The following GLI3 variants were observed in gnomAD, a reference collection of about 807,000 sequenced individuals.
The protein encoded by GLI3 is GLI family zinc finger 3, also known as transcription activator GLI3.
A neutral mutation model predicts 100.8 loss-of-function variants in GLI3; 20 were observed. That is an observed-to-expected ratio of 0.20 (90% CI 0.14 to 0.29). GLI3 has a LOEUF of 0.29. Among genes scored for constraint, GLI3 ranks in the 10% least tolerant of loss-of-function variants. The probability of loss-of-function intolerance (pLI) is 1.00; values close to 1 mark genes in which losing one functional copy is unlikely to be tolerated. For synonymous variants in GLI3, 938 were observed against 860.5 expected, an observed-to-expected ratio of 1.09 and a Z score of -1.58; for missense variants, 2,040 against 2,128.5, an observed-to-expected ratio of 0.96 and a Z score of 0.82.
chr7:42,014,853 A>T (rs1205630827), intron 10 of GLI3, among the ~76,000 whole-genome samples: 1 of 152,232 alleles, frequency 6.6e-6, no homozygotes, highest in African/African-American at 2.4e-5. Flanking sequence ...ACAGCAGATG[A>T]GTAAACAGGT....
At chr7:42,211,695 G>A (rs2128697474) in intron 2 of GLI3, among the ~76,000 whole-genome samples, 1 of 152,254 alleles carries the variant, frequency 6.6e-6, no homozygotes, top group South Asian at 2.1e-4. Context: ...TGAAAGGGGA[G>A]TCTTCGACAT....
chr7:42,196,383 G>A (rs756747086), intron 2 of GLI3, among the ~76,000 whole-genome samples: 10 of 152,156 alleles, frequency 6.6e-5, no homozygotes, highest in Non-Finnish European at 1.2e-4. Flanking sequence ...GGAGGGGCCA[G>A]CTTTACAGGA....
rs529069398 is a variant in GLI3 at position 42,193,501 on chromosome 7, T to C, written c.124+29629A>G. ...TCAAATTACTCAGGAATTCTATTGG[T>C]AGCAAAAGGTGAGAGAAAATTAAAA... On this transcript the variant is annotated intron_variant, in intron 2 of 14. Coordinates refer to ENST00000395925, the MANE Select transcript of GLI3 (RefSeq NM_000168.6). Among the ~76,000 whole-genome samples the C allele has an allele frequency of 9.3e-4, 141 of 152,218 alleles. 1 individual carries two copies. Among genetic ancestry groups the C allele is most frequent in the Admixed American group, 3.5e-3 (54 of 15,276 alleles).
rs147860145 is a variant in GLI3 at position 42,049,851 on chromosome 7, G to A, written c.474-1155C>T. Among the ~76,000 whole-genome samples, 494 of 152,306 alleles carry A rather than the reference G, an allele frequency of 3.2e-3. 5 individuals are homozygous for A. Among genetic ancestry groups the A allele is most frequent in the African/African-American group, 0.011 (478 of 41,566 alleles). On this transcript the variant is annotated intron_variant, in intron 4 of 14. Coordinates refer to ENST00000395925, the MANE Select transcript of GLI3 (RefSeq NM_000168.6). Reference sequence around the variant, plus strand: ...TCATTCACAGAGGGTGCGGCCATAGGAAGGGGAGGCCCTGATAGAGAGAGA... The same window carrying A: ...TCATTCACAGAGGGTGCGGCCATAGAAAGGGGAGGCCCTGATAGAGAGAGA...
At chr7:42,150,915 G>C (rs1786843719) in intron 2 of GLI3, among the ~76,000 whole-genome samples, 4 of 152,148 alleles carry the variant, frequency 2.6e-5, no homozygotes, top group Admixed American at 1.3e-4. Flanking sequence ...AGGGTAATCG[G>C]GGCGGCGGAG....
chr7:42,053,037 C>T (rs1031929055), intron 4 of GLI3, among the ~76,000 whole-genome samples: 1 of 152,178 alleles, frequency 6.6e-6, no homozygotes, highest in Non-Finnish European at 1.5e-5. Flanking sequence ...TCTTGTTGCC[C>T]GGGCTGGAGT....
chr7:42,195,013 C>T (rs1787900078), intron 2 of GLI3, among the ~76,000 whole-genome samples: 1 of 151,980 alleles, frequency 6.6e-6, no homozygotes, highest in South Asian at 2.1e-4. Flanking sequence ...GTGATCTGCC[C>T]ACCTCGGCCT....
intron 2 of GLI3, among the ~76,000 whole-genome samples, chr7:42,192,262 GC>G (rs1352562034): frequency 6.6e-6 from 1 of 152,130 alleles, no homozygotes; most frequent in Admixed American, 6.5e-5. Flanking sequence ...TGAGTAGCCA[GC>G]CAAGAAATTG....
chr7:41,999,139 GT>G (rs1316768699), intron 10 of GLI3, among the ~76,000 whole-genome samples: 4 of 152,146 alleles, frequency 2.6e-5, no homozygotes, highest in African/African-American at 9.7e-5. Context: ...ATGATAGGAA[GT>G]TATCATCAAT....
At chr7:42,003,986 G>A (rs1394445441) in intron 10 of GLI3, among the ~76,000 whole-genome samples, 1 of 152,174 alleles carries the variant, frequency 6.6e-6, no homozygotes, top group East Asian at 1.9e-4. Context: ...CTCAAGGGAT[G>A]CAAAGATGAT....
At chr7:42,211,704 A>T (rs1319279890) in intron 2 of GLI3, among the ~76,000 whole-genome samples, 1 of 152,196 alleles carries the variant, frequency 6.6e-6, no homozygotes, top group African/African-American at 2.4e-5. Context: ...AGTCTTCGAC[A>T]TTAACTAAGC....
chr7:42,027,907 C>A (rs747614103), intron 7 of GLI3, among the ~76,000 whole-genome samples: 27 of 152,110 alleles, frequency 1.8e-4, no homozygotes, highest in Non-Finnish European at 3.7e-4. Context: ...CCAGTGTTTC[C>A]AAAAGCAAGC....
At chr7:42,062,021 T>G (rs1784578572) in intron 4 of GLI3, among the ~76,000 whole-genome samples, 1 of 152,112 alleles carries the variant, frequency 6.6e-6, no homozygotes, top group East Asian at 1.9e-4. Flanking sequence ...GAGGAGAGAT[T>G]CATCTGATTG....
At chr7:42,203,502 AT>A (rs776588833) in intron 2 of GLI3, among the ~76,000 whole-genome samples, 53 of 152,234 alleles carry the variant, frequency 3.5e-4, no homozygotes, top group Middle Eastern at 6.8e-3. Context: ...TGCCTGGCTT[AT>A]TTCACTTGAC....
In GLI3 at chr7:42,048,560, T is replaced by C; in HGVS notation, c.610A>G (p.Ile204Val). The change falls in exon 5 of 15, where the codon ATC becomes GTC. Residue 204 changes from isoleucine to valine, a missense_variant. Transcript: ENST00000395925. ...GATGGGCTGCTGTGCAAGGAGCGGATATAGTCCATGTAGGGATTAATGTAG... is the reference window on the plus strand; with the variant it reads ...GATGGGCTGCTGTGCAAGGAGCGGACATAGTCCATGTAGGGATTAATGTAG... ...HPYINPYMDY[I>V]RSLHSSPSLS... The C allele has an allele frequency of 1.4e-5, 22 of 1,612,924 alleles. No homozygotes were observed. Among genetic ancestry groups the C allele is most frequent in the Non-Finnish European group, 1.9e-5 (22 of 1,179,678 alleles).
chr7:42,241,849 T>A (rs1230463410), upstream of GLI3, among the ~76,000 whole-genome samples: 9 of 152,180 alleles, frequency 5.9e-5, no homozygotes, highest in African/African-American at 2.2e-4. Context: ...TATACTCAGA[T>A]CCTTGCCTGC....
At position 42,023,555 on chromosome 7, in the gene GLI3, G is replaced by T. The variant is rs753273485; in HGVS notation, c.1410C>A (p.Ser470Arg). The T allele has an allele frequency of 1.2e-6, 2 of 1,612,962 alleles. No individual in the cohort carries two copies. Among genetic ancestry groups the T allele is most frequent in the Non-Finnish European group, 1.7e-6 (2 of 1,179,712 alleles). ...LVKEEGDKDE[S>R]KQEPEVIYET... ...CATAGATGACTTCAGGCTCCTGTTT[G>T]CTTTCATCTTTGTCCCCTTCCTCCT... Residue 470 changes from serine to arginine, a missense_variant, in exon 10 of 15, where the codon AGC (serine) becomes AGA (arginine). Physicochemically the swap from Ser to Arg is moderately radical, Grantham distance 110. Transcript: ENST00000395925.
At position 42,024,671 on chromosome 7, in the gene GLI3, A is replaced by C. The variant is rs1038311669; in HGVS notation, c.1356+593T>G. On this transcript the variant is annotated intron_variant, in intron 9 of 14. Coordinates refer to ENST00000395925, the MANE Select transcript of GLI3 (RefSeq NM_000168.6). ...CCTACACATCCTTAAACTGAGGCCC[A>C]GAGAATTTAAGTGACTAGAGGCGGA... is the stretch of plus-strand genomic sequence containing the variant. 2.6e-5 allele frequency among the ~76,000 whole-genome samples: 4 copies of C among 152,180 alleles called. No homozygotes were observed. The East Asian group carries it at 7.7e-4, about 29-fold the overall frequency.
At chr7:42,068,412 C>A (rs2237418) in intron 4 of GLI3, among the ~76,000 whole-genome samples, 61,723 of 151,972 alleles carry the variant, frequency 0.41, 12,879 homozygotes, top group East Asian at 0.54. Context: ...AGCTCTCTGC[C>A]AAAACATCCC....
Sources: gnomAD v4.1 joint callset for allele counts (sites outside exome capture counted in the v4.1 genomes callset) on GRCh38, gnomAD v4.1.1 for gene constraint, MANE v1.5 for transcripts, NCBI Gene and HGNC (gene_info 2026-07-23, HGNC 2026-07-21) for gene names.